RARB: variants seen among roughly 807,000 people sequenced by gnomAD.
The protein encoded by RARB is HBV-activated protein.
Under a neutral mutation model 51.9 loss-of-function variants are expected in RARB, and 17 were observed. The ratio of observed to expected loss-of-function variants is 0.33; its 90% confidence interval spans 0.22 to 0.49. The LOEUF is 0.49. Ranked by LOEUF, RARB falls within the 20% of genes least tolerant of loss-of-function variation. RARB has a pLI of 0.99. For missense variants in RARB, 369 were observed against 550.8 expected, an observed-to-expected ratio of 0.67 and a Z score of 3.30; for synonymous variants, 215 against 195.4, an observed-to-expected ratio of 1.10 and a Z score of -0.84.
intron 5 of RARB, among the ~76,000 whole-genome samples, chr3:25,269,103 A>C (rs1703192045): frequency 6.6e-6 from 1 of 152,198 alleles, no homozygotes; most frequent in African/African-American, 2.4e-5. Flanking sequence ...TAAACTGTCA[A>C]ACCAATATGG....
At chr3:25,428,203 C>A (rs941533134), upstream of RARB, 3 of 1,220,212 alleles carry the variant, frequency 2.5e-6, no homozygotes, top group African/African-American at 1.6e-5. Context: ...GTTAGCAGCC[C>A]GGGTAGGGTT....
chr3:24,858,550 T>C (rs184738026), intron 1 of RARB: 1 of 152,328 alleles, frequency 6.6e-6, no homozygotes, highest in Non-Finnish European at 1.5e-5. Flanking sequence ...TTCAAGACGG[T>C]TAACTATGTC....
intron 5 of RARB, among the ~76,000 whole-genome samples, chr3:25,415,076 A>C (rs1040283779): frequency 6.6e-6 from 1 of 152,154 alleles, no homozygotes; most frequent in African/African-American, 2.4e-5. Flanking sequence ...TCCCGACCTC[A>C]GGTGATCTAC....
chr3:25,286,454 C>T (rs991379631), intron 5 of RARB, among the ~76,000 whole-genome samples: 2 of 152,154 alleles, frequency 1.3e-5, no homozygotes, highest in African/African-American at 2.4e-5. Flanking sequence ...ACTATAATCC[C>T]TCTAGCCTAC....
intron 2 of RARB, among the ~76,000 whole-genome samples, chr3:25,469,120 C>T (rs1470365276): frequency 1.3e-5 from 2 of 152,196 alleles, no homozygotes; most frequent in South Asian, 2.1e-4. Flanking sequence ...TTTTGCTAGC[C>T]TCTGAAGAGA....
At chr3:25,221,245 G>A (rs553512963) in intron 5 of RARB, among the ~76,000 whole-genome samples, 2 of 149,392 alleles carry the variant, frequency 1.3e-5, no homozygotes, top group Admixed American at 1.3e-4. Flanking sequence ...AGCAGTCAAG[G>A]GAAAAAGGAA....
At chr3:25,211,207 A>G (rs1701687878) in intron 5 of RARB, among the ~76,000 whole-genome samples, 1 of 152,218 alleles carries the variant, frequency 6.6e-6, no homozygotes, top group African/African-American at 2.4e-5. Context: ...GCACTTGACT[A>G]TATTATTTTA....
intron 3 of RARB, among the ~76,000 whole-genome samples, chr3:25,527,665 C>T (rs982740552): frequency 1.4e-4 from 21 of 152,144 alleles, no homozygotes; most frequent in African/African-American, 3.1e-4. Context: ...AACTAGTATA[C>T]CCTTATGTTT....
intron 3 of RARB, among the ~76,000 whole-genome samples, chr3:25,093,485 A>T (rs895714107): frequency 1.9e-5 from 1 of 51,460 alleles, no homozygotes; most frequent in Non-Finnish European, 3.8e-5. Flanking sequence ...AGTTTACATA[A>T]TAATAGCCCT....
chr3:25,512,834 G>A (rs1403634650), intron 3 of RARB, among the ~76,000 whole-genome samples: 1 of 152,100 alleles, frequency 6.6e-6, no homozygotes, highest in Non-Finnish European at 1.5e-5. Flanking sequence ...TTTGGTGTCT[G>A]TGTGTGTGTA....
At chr3:25,048,467 G>C (rs369338830) in intron 2 of RARB, among the ~76,000 whole-genome samples, 2 of 152,132 alleles carry the variant, frequency 1.3e-5, no homozygotes. Flanking sequence ...TTTTGAAGGA[G>C]TATATTATTC....
At chr3:25,143,234 C>T (rs953599579) in intron 4 of RARB, among the ~76,000 whole-genome samples, 1 of 152,156 alleles carries the variant, frequency 6.6e-6, no homozygotes, top group Non-Finnish European at 1.5e-5. Flanking sequence ...GCTGGTAACA[C>T]GTTGAGGCAA....
chr3:24,915,561 G>T (rs1695089144), intron 2 of RARB, among the ~76,000 whole-genome samples: 1 of 152,176 alleles, frequency 6.6e-6, no homozygotes, highest in East Asian at 1.9e-4. Context: ...ATCCATTGGA[G>T]AAATTTTGAA....
At chr3:25,308,827 T>G (rs181210078) in intron 5 of RARB, among the ~76,000 whole-genome samples, 5 of 152,320 alleles carry the variant, frequency 3.3e-5, no homozygotes, top group African/African-American at 1.2e-4. Context: ...TTGAGCTCTT[T>G]AGCAATCCAG....
intron 2 of RARB, among the ~76,000 whole-genome samples, chr3:24,983,955 A>G (rs1390960288): frequency 6.6e-6 from 1 of 152,218 alleles, no homozygotes; most frequent in Non-Finnish European, 1.5e-5. Flanking sequence ...AGAGCAAGCA[A>G]TTTCCAATTA....
chr3:24,872,806 T>C (rs1030917841), intron 2 of RARB, among the ~76,000 whole-genome samples: 1 of 152,160 alleles, frequency 6.6e-6, no homozygotes, highest in Non-Finnish European at 1.5e-5. Flanking sequence ...ATCTGAACTA[T>C]AGCACCTTCT....
intron 3 of RARB, among the ~76,000 whole-genome samples, chr3:25,512,600 G>T (rs555679943): frequency 6.6e-6 from 1 of 152,142 alleles, no homozygotes; most frequent in Admixed American, 6.5e-5. Context: ...ATCCTTAGGC[G>T]GTGCCTGCTG....
chr3:25,252,359 G>A lies in RARB; in HGVS notation c.178+77784G>A, dbSNP rs575372580. On this transcript the variant is annotated intron_variant, in intron 5 of 11. Transcript: ENST00000383772. The stretch of plus-strand genomic sequence containing the variant: ...CCTTTGCAATTATATATAAATTTTA[G>A]GATCAGCTTGTCAATTTCTGTAAAA... 1.6e-4 allele frequency among the ~76,000 whole-genome samples: 24 copies of A among 152,144 alleles called. No individual in the cohort carries two copies. The South Asian group carries it at 2.3e-3, about 14-fold the overall frequency.
chr3:25,269,860 A>C (rs1697206875), intron 5 of RARB, among the ~76,000 whole-genome samples: 1 of 152,206 alleles, frequency 6.6e-6, no homozygotes, highest in Non-Finnish European at 1.5e-5. Flanking sequence ...TTAAATAGAC[A>C]TGTATCTAAA....
Sources: allele counts gnomAD v4.1 joint callset (sites outside exome capture counted in the v4.1 genomes callset), GRCh38; gene constraint gnomAD v4.1.1; transcripts MANE v1.5; gene names NCBI Gene and HGNC (gene_info 2026-07-23, HGNC 2026-07-21).